Variants in SLC17A6 observed in about 807,000 individuals in gnomAD.
SLC17A6 encodes vesicular glutamate transporter 2.
A neutral mutation model predicts 67.1 loss-of-function variants in SLC17A6; 35 were observed. The observed-to-expected ratio is 0.52, with a 90% CI of 0.40 to 0.69. The LOEUF is 0.69. Ranked by LOEUF, SLC17A6 falls within the 30% of genes least tolerant of loss-of-function variation. SLC17A6 has a pLI of 0.00. For missense variants in SLC17A6, 588 were observed against 723.9 expected, an observed-to-expected ratio of 0.81 and a Z score of 2.15; for synonymous variants, 285 against 252.3, an observed-to-expected ratio of 1.13 and a Z score of -1.23.
At chr11:22,355,712 G>A (rs1855987180) in intron 3 of SLC17A6, among the ~76,000 whole-genome samples, 1 of 152,148 alleles carries the variant, frequency 6.6e-6, no homozygotes, top group Non-Finnish European at 1.5e-5. Context: ...GAGCCACTAT[G>A]TTCAGCCATT....
chr11:22,346,079 C>G (rs569585687), intron 3 of SLC17A6, among the ~76,000 whole-genome samples: 1 of 152,160 alleles, frequency 6.6e-6, no homozygotes, highest in Non-Finnish European at 1.5e-5. Flanking sequence ...TTCAAATAAG[C>G]TTCTCTATAT....
intron 3 of SLC17A6, among the ~76,000 whole-genome samples, chr11:22,355,393 C>T (rs1290695984): frequency 2.0e-5 from 3 of 152,178 alleles, no homozygotes; most frequent in Non-Finnish European, 2.9e-5. Context: ...CCCCCACCCT[C>T]TTCTACCATT....
chr11:22,351,939 C>G (rs1855943857), intron 3 of SLC17A6, among the ~76,000 whole-genome samples: 1 of 151,144 alleles, frequency 6.6e-6, no homozygotes, highest in African/African-American at 2.4e-5. Context: ...TTCCTTCTGT[C>G]TGCTAATATA....
rs1052589949 is a variant in SLC17A6, at chr11:22,341,435, C to T, written c.87-93C>T. On this transcript the variant is annotated intron_variant, in intron 1 of 11. Coordinates refer to ENST00000263160, the MANE Select transcript of SLC17A6 (RefSeq NM_020346.3). ...TGGGGGGAGGTCGACGGCCCTCCTC[C>T]CAACCCCGACGGGTCCTGAAAAATG... 74 of 1,531,584 alleles carry T rather than the reference C, an allele frequency of 4.8e-5. No homozygotes were observed. In the Middle Eastern group the frequency reaches 6.9e-4, roughly 14 times the overall value. 94.9% of individuals were successfully genotyped at this position (1,531,584 alleles called of 1,614,324 possible). A position where few individuals can be genotyped will look rare whatever the true frequency, so the allele number is the denominator to read the frequency against.
intron 1 of SLC17A6, among the ~76,000 whole-genome samples, chr11:22,340,893 C>G (rs1855807189): frequency 1.3e-5 from 2 of 152,218 alleles, no homozygotes; most frequent in Admixed American, 6.5e-5. Flanking sequence ...CGCACAGGCA[C>G]TAGCCTAGAG....
chr11:22,358,685 A>T (rs2133868600), intron 3 of SLC17A6, among the ~76,000 whole-genome samples: 1 of 152,176 alleles, frequency 6.6e-6, no homozygotes, highest in Admixed American at 6.5e-5. Flanking sequence ...TTACTTGTAG[A>T]TGGATAAAAG....
At chr11:22,377,018 A>C (rs1030284958) in intron 11 of SLC17A6, among the ~76,000 whole-genome samples, 1 of 152,150 alleles carries the variant, frequency 6.6e-6, no homozygotes, top group South Asian at 2.1e-4. Flanking sequence ...GCAGTTGTCC[A>C]AGGAACAATA....
Position 22,376,576 on chromosome 11 carries a change from A to G in SLC17A6, c.1317A>G (p.Pro439=). 1 of 1,614,026 alleles carries G rather than the reference A, an allele frequency of 6.2e-7. No individual in the cohort carries two copies. Residue 439 remains proline, a synonymous_variant, in exon 11 of 12, where the codon CCA becomes CCG. Transcript: ENST00000263160. ...ATGTTAACCACTTGGATATCGCTCC[A>G]AGATATGCCAGTATCTTAATGGGCA... ...GFNVNHLDIA[P]RYASILMGIS...
chr11:22,353,812 T>C (rs1326862402), intron 3 of SLC17A6, among the ~76,000 whole-genome samples: 1 of 152,230 alleles, frequency 6.6e-6, no homozygotes, highest in Non-Finnish European at 1.5e-5. Context: ...AGCTTTGTTT[T>C]TTCTAGGTCT....
At chr11:22,359,673 TAGAC>T (rs1856027863) in intron 4 of SLC17A6, 146 bp downstream of exon 4, 2 of 416,952 alleles carry the variant, frequency 4.8e-6, no homozygotes, top group Non-Finnish European at 8.4e-6. Flanking sequence ...CTGGAAATGT[TAGAC>T]AGTCAGATAT....
chr11:22,377,277 A>C, intron 11 of SLC17A6, 128 bp from the exon 12 acceptor site: 1 of 705,404 alleles, frequency 1.4e-6, no homozygotes, highest in East Asian at 2.7e-5. Flanking sequence ...TGCTTTACAT[A>C]ATCAGGATAT....
Position 22,378,045 on chromosome 11 carries a change from T to G in SLC17A6, c.*305T>G, listed in dbSNP as rs1856251159. ...TGAGCTAAAACTCATCACTATTTACTAAAGCACAACATCTCATCCTACAAA... is the reference window on the plus strand; with the variant it reads ...TGAGCTAAAACTCATCACTATTTACGAAAGCACAACATCTCATCCTACAAA... On this transcript the variant is annotated 3_prime_UTR_variant, in exon 12 of 12. Coordinates refer to ENST00000263160, the MANE Select transcript of SLC17A6 (RefSeq NM_020346.3). 5.4e-6 allele frequency: 2 copies of G among 370,690 alleles called. No homozygotes were observed. Among genetic ancestry groups the G allele is most frequent in the Admixed American group, 4.3e-5 (1 of 23,160 alleles). The allele number at this position is 370,690 out of a possible 1,614,324, so 23.0% of individuals were successfully genotyped here. A position where few individuals can be genotyped will look rare whatever the true frequency, so the allele number is the denominator to read the frequency against.
At chr11:22,339,187 A>ATATGTTATATATATATGTTT (rs1564976586) in intron 1 of SLC17A6, among the ~76,000 whole-genome samples, 17 of 87,372 alleles carry the variant, frequency 1.9e-4, no homozygotes, top group African/African-American at 5.9e-4. Flanking sequence ...TGTTTTATAT[A>ATATGTTATATATATATGTTT]TATATATATA....
chr11:22,343,394 G>C (rs749715107), intron 3 of SLC17A6, 29 bp downstream of exon 3: 1 of 1,570,374 alleles, frequency 6.4e-7, no homozygotes, highest in South Asian at 1.1e-5. Context: ...CTGGGGCTCG[G>C]GGCGTGGTGT....
chr11:22,345,437 G>A (rs954760430), intron 3 of SLC17A6, among the ~76,000 whole-genome samples: 5 of 151,266 alleles, frequency 3.3e-5, no homozygotes, highest in Non-Finnish European at 5.9e-5. Flanking sequence ...TCAGCCTCCC[G>A]AGTAGTGGGA....
intron 3 of SLC17A6, among the ~76,000 whole-genome samples, chr11:22,357,421 T>A (rs1044828950): frequency 1.4e-4 from 22 of 152,204 alleles, no homozygotes; most frequent in African/African-American, 5.1e-4. Flanking sequence ...AGGGAACATT[T>A]GACAATTACT....
rs369754779 is a variant in SLC17A6 at position 22,343,316 on chromosome 11, A to G, written c.409A>G (p.Ile137Val). ...IHGSFFWGYI[I>V]TQIPGGYIAS... ...CGGTTCCTTCTTTTGGGGCTACATC[A>G]TCACTCAGATTCCGGGAGGCTACAT... Residue 137 changes from isoleucine (I) to valine (V), a missense_variant, in exon 3 of 12, where the codon ATC (isoleucine) becomes GTC (valine). This residue lies in a region of SLC17A6 where 414 missense variants were observed against 563.4 expected (regional missense o/e 0.73). Coordinates refer to ENST00000263160, the MANE Select transcript of SLC17A6 (RefSeq NM_020346.3). The G allele has an allele frequency of 1.6e-5, 25 of 1,612,546 alleles. No homozygotes were observed. The highest frequency in any genetic ancestry group is 1.9e-5 in the Non-Finnish European group (22 of 1,179,668).
At chr11:22,341,929 G>C (rs1855820724) in intron 2 of SLC17A6, 149 bp downstream of exon 2, 1 of 1,185,018 alleles carries the variant, frequency 8.4e-7, no homozygotes, top group Admixed American at 2.7e-5. Flanking sequence ...TTCTAGAATG[G>C]ACCCCAGTAG....
At chr11:22,340,610 T>C (rs548896944) in intron 1 of SLC17A6, among the ~76,000 whole-genome samples, 1 of 152,326 alleles carries the variant, frequency 6.6e-6, no homozygotes, top group African/African-American at 2.4e-5. Flanking sequence ...ATTTTGCGTC[T>C]TGGGAAATGG....
Sources: allele counts gnomAD v4.1 joint callset (sites outside exome capture counted in the v4.1 genomes callset), GRCh38; gene constraint gnomAD v4.1.1; regional missense constraint gnomAD v4.1.1; transcripts MANE v1.5; gene names NCBI Gene and HGNC (gene_info 2026-07-23, HGNC 2026-07-21).